Variants in ZNF365 observed in about 807,000 individuals in gnomAD.
The protein encoded by ZNF365 is protein ZNF365.
ZNF365 carries 22 observed loss-of-function variants against 35.0 expected under a neutral mutation model. That is an observed-to-expected ratio of 0.63 (90% confidence interval 0.45 to 0.90). ZNF365 has a LOEUF of 0.90. Ranked by LOEUF, ZNF365 falls within the 40% of genes least tolerant of loss-of-function variation. The probability of loss-of-function intolerance (pLI) is 0.00; values close to 1 mark genes in which losing one functional copy is unlikely to be tolerated. For synonymous variants in ZNF365, 188 were observed against 196.2 expected, an observed-to-expected ratio of 0.96 and a Z score of 0.35; for missense variants, 448 against 500.3, an observed-to-expected ratio of 0.90 and a Z score of 1.00.
chr10:62,435,972 A>G (rs1840400588), intron 3 of ZNF365, among the ~76,000 whole-genome samples: 1 of 152,310 alleles, frequency 6.6e-6, no homozygotes, highest in Non-Finnish European at 1.5e-5. Flanking sequence ...CTTTTAACTT[A>G]ATGCTTGGAA....
At chr10:62,458,773 G>A (rs1324211797) in intron 3 of ZNF365, among the ~76,000 whole-genome samples, 2 of 152,118 alleles carry the variant, frequency 1.3e-5, no homozygotes. Context: ...GATACGATCT[G>A]TTACACAGAA....
chr10:62,398,714 A>AT (rs1206263521), intron 3 of ZNF365, 26 bp from the exon 4 acceptor site: 5 of 1,607,012 alleles, frequency 3.1e-6, no homozygotes, highest in Non-Finnish European at 3.4e-6. Context: ...TGCAGTTAAC[A>AT]TTTTTTCTTA....
At position 62,402,324 on chromosome 10, in the gene ZNF365, T is replaced by C. The variant is rs1487144772; in HGVS notation, c.*2535T>C. On this transcript the variant is annotated 3_prime_UTR_variant, in exon 5 of 5. Coordinates refer to ENST00000395254, the MANE Select transcript of ZNF365 (RefSeq NM_014951.3). Reference sequence around the variant, plus strand: ...TTCTTATCTGCAAGGTTCAAGTTGCTTAGACATTGTTTTCCAGTATTCTGC... The same window carrying C: ...TTCTTATCTGCAAGGTTCAAGTTGCCTAGACATTGTTTTCCAGTATTCTGC... 10 of 985,530 alleles carry C rather than the reference T, an allele frequency of 1.0e-5. No individual in the cohort carries two copies. The highest frequency in any genetic ancestry group is 1.2e-5 in the Non-Finnish European group (10 of 829,948). 61.0% of individuals were successfully genotyped at this position (985,530 alleles called of 1,614,324 possible).
At chr10:62,459,476 C>A (rs886986985) in intron 3 of ZNF365, among the ~76,000 whole-genome samples, 4 of 152,120 alleles carry the variant, frequency 2.6e-5, no homozygotes, top group Admixed American at 2.6e-4. Flanking sequence ...CTAAAATATA[C>A]CAATTAAAAT....
chr10:62,457,277 C>T (rs1478763164), intron 3 of ZNF365, among the ~76,000 whole-genome samples: 1 of 152,220 alleles, frequency 6.6e-6, no homozygotes, highest in Non-Finnish European at 1.5e-5. Context: ...GAGACGTACT[C>T]TCCTCCCATG....
chr10:62,430,472 G>T (rs772866772), intron 3 of ZNF365, among the ~76,000 whole-genome samples: 1 of 152,144 alleles, frequency 6.6e-6, no homozygotes, highest in Non-Finnish European at 1.5e-5. Context: ...GATGGAAAAG[G>T]TTTTATCACA....
At chr10:62,429,728 T>C (rs7915407) in intron 3 of ZNF365, among the ~76,000 whole-genome samples, 13 of 152,178 alleles carry the variant, frequency 8.5e-5, no homozygotes, top group African/African-American at 3.1e-4. Context: ...AGAAATTAGC[T>C]TTTTTCCTTC....
chr10:62,430,789 G>A (rs1016606960), intron 3 of ZNF365, among the ~76,000 whole-genome samples: 1 of 152,114 alleles, frequency 6.6e-6, no homozygotes, highest in African/African-American at 2.4e-5. Context: ...TAGCTTGCTG[G>A]GTGGAATTTC....
chr10:62,453,652 G>A (rs1198631899), intron 3 of ZNF365, among the ~76,000 whole-genome samples: 2 of 152,166 alleles, frequency 1.3e-5, no homozygotes, highest in East Asian at 1.9e-4. Flanking sequence ...TAGATACCCA[G>A]CAGTGGGATT....
intron 2 of ZNF365, 23 bp downstream of exon 2, chr10:62,376,959 G>T: frequency 6.3e-7 from 1 of 1,597,172 alleles, no homozygotes; most frequent in Non-Finnish European, 8.5e-7. Flanking sequence ...GACAGGGGAT[G>T]CTAACCCCAT....
chr10:62,396,804 G>A (rs973862643), intron 3 of ZNF365, among the ~76,000 whole-genome samples: 2 of 152,050 alleles, frequency 1.3e-5, no homozygotes, highest in African/African-American at 4.8e-5. Context: ...AGAGCAGTAT[G>A]TATACAAATG....
Position 62,376,360 on chromosome 10 carries a change from GA to G in ZNF365, c.169del (p.Thr57ProfsTer3). 1 of 1,614,150 alleles carries G rather than the reference GA, an allele frequency of 6.2e-7. No homozygotes were observed. Among genetic ancestry groups the G allele is most frequent in the Non-Finnish European group, 8.5e-7 (1 of 1,180,032 alleles). ...GAGTTCAGTCACAGCTACGAAGAAA[GA>G]ACCCTCTTGACAAAATGCAGTCTCT... ...HLEFSHSYEE[R>X]TLLTKCSLFP... On this transcript the variant is annotated frameshift_variant, in exon 2 of 5. Coordinates refer to ENST00000395254, the MANE Select transcript of ZNF365 (RefSeq NM_014951.3). LOFTEE classifies it high-confidence loss of function.
chr10:62,420,190 T>C (rs938711655), intron 3 of ZNF365, among the ~76,000 whole-genome samples: 1 of 152,198 alleles, frequency 6.6e-6, no homozygotes, highest in South Asian at 2.1e-4. Flanking sequence ...CAATTTTCCT[T>C]TTTTGTATTG....
At chr10:62,476,247 T>C (rs1044138207) in intron 4 of ZNF365, among the ~76,000 whole-genome samples, 16 of 152,176 alleles carry the variant, frequency 1.1e-4, no homozygotes, top group African/African-American at 3.9e-4. Context: ...TTATATAGAC[T>C]TGAGCTTCGC....
At chr10:62,473,745 A>G (rs1465688681) in intron 4 of ZNF365, among the ~76,000 whole-genome samples, 1 of 152,158 alleles carries the variant, frequency 6.6e-6, no homozygotes, top group African/African-American at 2.4e-5. Context: ...TTGTTAGTGT[A>G]TCGATTAGAA....
chr10:62,457,095 A>G (rs1027964708), intron 3 of ZNF365, among the ~76,000 whole-genome samples: 1 of 152,110 alleles, frequency 6.6e-6, no homozygotes, highest in African/African-American at 2.4e-5. Context: ...TATGTCTCTT[A>G]TCTTCTTTCC....
intron 4 of ZNF365, among the ~76,000 whole-genome samples, chr10:62,472,381 A>G (rs1841056822): frequency 6.6e-6 from 1 of 152,252 alleles, no homozygotes; most frequent in Non-Finnish European, 1.5e-5. Flanking sequence ...AAACCTGAGT[A>G]TGCAGATGGC....
At chr10:62,458,387 A>T (rs1453791039) in intron 3 of ZNF365, among the ~76,000 whole-genome samples, 1 of 151,818 alleles carries the variant, frequency 6.6e-6, no homozygotes, top group Non-Finnish European at 1.5e-5. Flanking sequence ...CATGGTTATG[A>T]ATTTATTTCC....
chr10:62,399,848 C>T lies in ZNF365; in HGVS notation c.*59C>T. 1 of 1,534,764 alleles carries T rather than the reference C, an allele frequency of 6.5e-7. No individual in the cohort carries two copies. Among genetic ancestry groups the T allele is most frequent in the Non-Finnish European group, 8.8e-7 (1 of 1,139,542 alleles). ...GCTTTGGGGAACGTTGTTCCAGGAG[C>T]CAACAGTAATGTCTTTCTGGAAACA... On this transcript the variant is annotated 3_prime_UTR_variant, in exon 5 of 5. Transcript: ENST00000395254.
Sources: gnomAD v4.1 joint callset for allele counts (sites outside exome capture counted in the v4.1 genomes callset) on GRCh38, gnomAD v4.1.1 for gene constraint, MANE v1.5 for transcripts, NCBI Gene and HGNC (gene_info 2026-07-23, HGNC 2026-07-21) for gene names.